Variants in JAM3 observed in about 807,000 individuals in gnomAD.
JAM3 encodes junctional adhesion molecule C.
Under a neutral mutation model 39.4 loss-of-function variants are expected in JAM3, and 31 were observed. The observed-to-expected ratio is 0.79, with a 90% CI of 0.59 to 1.06. The LOEUF (loss-of-function observed/expected upper bound fraction) is 1.06. JAM3 is among the 50% of genes least tolerant of loss of function. JAM3 has a pLI of 0.00. For missense variants in JAM3, 455 were observed against 391.4 expected (o/e 1.16, Z -1.37); for synonymous variants, 182 against 148.7 (o/e 1.22, Z -1.63).
intron 1 of JAM3, among the ~76,000 whole-genome samples, chr11:134,078,185 T>A (rs187263525): frequency 0.011 from 1,661 of 152,058 alleles, 22 homozygotes; most frequent in Non-Finnish European, 0.014. Context: ...AGTGGCATGA[T>A]CTCGGCCCAC....
At chr11:134,145,341 C>T (rs1294063325) in intron 5 of JAM3, 1 of 409,068 alleles carries the variant, frequency 2.4e-6, no homozygotes, top group Non-Finnish European at 4.6e-6. Flanking sequence ...AGCAACTGTT[C>T]ATTGCTTTAG....
intron 1 of JAM3, among the ~76,000 whole-genome samples, chr11:134,072,106 T>G (rs1941492552): frequency 6.6e-6 from 1 of 152,156 alleles, no homozygotes; most frequent in Non-Finnish European, 1.5e-5. Context: ...TTTCCTCAAG[T>G]ATAAGATGGC....
intron 1 of JAM3, among the ~76,000 whole-genome samples, chr11:134,130,916 T>C (rs1942757539): frequency 6.6e-6 from 1 of 152,210 alleles, no homozygotes; most frequent in Non-Finnish European, 1.5e-5. Context: ...TATTAAAAGC[T>C]ACAGAGTGAC....
chr11:134,137,112 CA>C (rs1167572520), intron 1 of JAM3, among the ~76,000 whole-genome samples: 862 of 85,066 alleles, frequency 0.01, 6 homozygotes, highest in African/African-American at 0.023. Context: ...GACTCTGTCT[CA>C]AAAAAAAAAA....
intron 1 of JAM3, among the ~76,000 whole-genome samples, chr11:134,118,332 C>T (rs534475828): frequency 6.6e-6 from 1 of 152,262 alleles, no homozygotes; most frequent in South Asian, 2.1e-4. Context: ...GTGCCAGGCT[C>T]ATGCAAAGAT....
chr11:134,139,636 C>T, intron 1 of JAM3: 1 of 581,342 alleles, frequency 1.7e-6, no homozygotes, highest in South Asian at 2.0e-5. Flanking sequence ...ATTCTTAGAA[C>T]TCTTCTCTTT....
chr11:134,099,397 A>T (rs1350257586), intron 1 of JAM3, among the ~76,000 whole-genome samples: 1 of 151,796 alleles, frequency 6.6e-6, no homozygotes, highest in Non-Finnish European at 1.5e-5. Flanking sequence ...TTTCTCTCCT[A>T]CTCCTCACTA....
intron 6 of JAM3, among the ~76,000 whole-genome samples, chr11:134,147,118 T>G (rs1857519377): frequency 6.6e-6 from 1 of 152,182 alleles, no homozygotes; most frequent in African/African-American, 2.4e-5. Flanking sequence ...TACTTTAGCC[T>G]ATTGACTTTT....
chr11:134,089,874 G>T (rs1443185108), intron 1 of JAM3, among the ~76,000 whole-genome samples: 2 of 152,144 alleles, frequency 1.3e-5, no homozygotes, highest in African/African-American at 4.8e-5. Flanking sequence ...GATCCCTGAG[G>T]AATCGCCACA....
At chr11:134,077,682 G>A (rs1254897951) in intron 1 of JAM3, among the ~76,000 whole-genome samples, 1 of 126,374 alleles carries the variant, frequency 7.9e-6, no homozygotes, top group African/African-American at 3.1e-5. Flanking sequence ...TTGAAACGGA[G>A]TTTTGCTCTT....
intron 1 of JAM3, among the ~76,000 whole-genome samples, chr11:134,097,801 A>G (rs1942008984): frequency 6.6e-6 from 1 of 151,890 alleles, no homozygotes; most frequent in African/African-American, 2.4e-5. Flanking sequence ...AAAGTAGTTT[A>G]AAAGAGTGAT....
intron 1 of JAM3, among the ~76,000 whole-genome samples, chr11:134,104,161 C>G (rs529529375): frequency 3.9e-5 from 6 of 152,306 alleles, no homozygotes; most frequent in African/African-American, 9.6e-5. Context: ...AAACTTGTCT[C>G]AGACCACAGT....
At chr11:134,084,829 G>T (rs1018024413) in intron 1 of JAM3, among the ~76,000 whole-genome samples, 1 of 152,236 alleles carries the variant, frequency 6.6e-6, no homozygotes, top group African/African-American at 2.4e-5. Context: ...GGTCAGTTAA[G>T]ATGGTTCTCT....
intron 4 of JAM3, 99 bp from the exon 5 acceptor site, chr11:134,144,693 C>A: frequency 8.8e-7 from 1 of 1,130,744 alleles, no homozygotes; most frequent in Non-Finnish European, 1.3e-6. Flanking sequence ...GGGAACCCCT[C>A]GACTGGCTGT....
intron 1 of JAM3, among the ~76,000 whole-genome samples, chr11:134,118,829 AATTGGAGATGAG>A (rs1942484255): frequency 6.6e-6 from 1 of 152,078 alleles, no homozygotes; most frequent in Non-Finnish European, 1.5e-5. Context: ...AAAGCCTTTC[AATTGGAGATGAG>A]AGCGGGGTTG....
chr11:134,113,654 C>T (rs1332606334), intron 1 of JAM3, among the ~76,000 whole-genome samples: 1 of 152,146 alleles, frequency 6.6e-6, no homozygotes, highest in Non-Finnish European at 1.5e-5. Flanking sequence ...AATAAACATC[C>T]GTGTGCATGT....
At chr11:134,121,734 C>T (rs1438431829) in intron 1 of JAM3, among the ~76,000 whole-genome samples, 1 of 152,066 alleles carries the variant, frequency 6.6e-6, no homozygotes. Context: ...TTGCTTTATA[C>T]ATCCTTCTCC....
chr11:134,148,993 C>A lies in JAM3; in HGVS notation c.898-153C>A, dbSNP rs188761106. Reference sequence around the variant, plus strand: ...ACACACACACACACACACACACACACACTAATGGGATTTGTGCTTTGCAAG... The same window carrying A: ...ACACACACACACACACACACACACAAACTAATGGGATTTGTGCTTTGCAAG... On this transcript the variant is annotated intron_variant, in intron 8 of 8. Transcript: ENST00000299106. Among the ~76,000 whole-genome samples the A allele has an allele frequency of 2.9e-3, 432 of 148,994 alleles. 1 individual carries two copies. The highest frequency in any genetic ancestry group is 0.017 in the Middle Eastern group (5 of 288).
chr11:134,143,414 TC>T (rs1943010596), intron 3 of JAM3, among the ~76,000 whole-genome samples: 2 of 152,224 alleles, frequency 1.3e-5, no homozygotes, highest in African/African-American at 4.8e-5. Context: ...TATTTTTTTT[TC>T]TAGAAACAGG....
Sources: gnomAD v4.1 joint callset for allele counts (sites outside exome capture counted in the v4.1 genomes callset) on GRCh38, gnomAD v4.1.1 for gene constraint, MANE v1.5 for transcripts, NCBI Gene and HGNC (gene_info 2026-07-23, HGNC 2026-07-21) for gene names.